Variants in DNAJC15 observed in about 807,000 individuals in gnomAD.
The protein encoded by DNAJC15 is dnaJ homolog subfamily C member 15.
DNAJC15 carries 27 observed loss-of-function variants against 22.4 expected under a neutral mutation model. The ratio of observed to expected loss-of-function variants is 1.20; its 90% CI spans 0.89 to 1.66. DNAJC15 has a LOEUF of 1.66. Among genes scored for constraint, DNAJC15 ranks in the 40% most tolerant of loss-of-function variants. The pLI is 0.00. For missense variants in DNAJC15, 208 were observed against 187.1 expected, an observed-to-expected ratio of 1.11 and a Z score of -0.65; for synonymous variants, 79 against 63.2, an observed-to-expected ratio of 1.25 and a Z score of -1.19.
At chr13:43,032,973 A>G (rs1482145221) in intron 1 of DNAJC15, among the ~76,000 whole-genome samples, 1 of 152,242 alleles carries the variant, frequency 6.6e-6, no homozygotes, top group African/African-American at 2.4e-5. Context: ...ATGGCAGAAG[A>G]CAGAGTGGGA....
chr13:43,033,886 G>T (rs1181007088), intron 1 of DNAJC15, among the ~76,000 whole-genome samples: 1 of 151,958 alleles, frequency 6.6e-6, no homozygotes, highest in Non-Finnish European at 1.5e-5. Context: ...AAATTAGCCG[G>T]GCATGGTAGC....
At chr13:43,042,963 T>C (rs1252723794) in intron 1 of DNAJC15, among the ~76,000 whole-genome samples, 2 of 152,118 alleles carry the variant, frequency 1.3e-5, no homozygotes, top group East Asian at 3.8e-4. Context: ...TAAAGCCAAA[T>C]ATGCAACCTG....
At chr13:43,085,903 A>G in intron 5 of DNAJC15, 65 bp downstream of exon 5, 1 of 1,365,898 alleles carries the variant, frequency 7.3e-7, no homozygotes, top group South Asian at 1.2e-5. Flanking sequence ...CTTTCAGATT[A>G]AAGTCATATA....
At chr13:43,063,320 G>T (rs2153440754) in intron 1 of DNAJC15, among the ~76,000 whole-genome samples, 1 of 152,318 alleles carries the variant, frequency 6.6e-6, no homozygotes, top group Non-Finnish European at 1.5e-5. Context: ...TTTATTGATA[G>T]TATTAAAAGC....
In DNAJC15 at chr13:43,023,744, G is replaced by C; in HGVS notation, c.108+10G>C. 1 of 1,598,804 alleles carries C rather than the reference G, an allele frequency of 6.3e-7. No individual in the cohort carries two copies. The highest frequency in any genetic ancestry group is 8.5e-7 in the Non-Finnish European group (1 of 1,173,254). ...CGACCAGCAGAGACTGGTGAGTCCT[G>C]CCAGCGGCCCCCACCCCTCTCTGGC... On this transcript the variant is annotated intron_variant, in intron 1 of 5. Transcript: ENST00000379221.
rs192961523 is a variant in DNAJC15, at chr13:43,045,789, T to A, written c.109-19897T>A. ...AGAGGGTCTCTCTCTTCCCTCACTC[T>A]CACCATACAAACACATACCTACTTC... On this transcript the variant is annotated intron_variant, in intron 1 of 5. Transcript: ENST00000379221. Among the ~76,000 whole-genome samples, 27 of 152,354 alleles carry A rather than the reference T, an allele frequency of 1.8e-4. 1 individual carries two copies. Among genetic ancestry groups the A allele is most frequent in the African/African-American group, 6.5e-4 (27 of 41,580 alleles).
At chr13:43,063,274 T>G (rs372555200) in intron 1 of DNAJC15, among the ~76,000 whole-genome samples, 3 of 152,368 alleles carry the variant, frequency 2.0e-5, no homozygotes, top group East Asian at 3.9e-4. Context: ...CCTCCCAAAG[T>G]GTTGGGATTA....
intron 4 of DNAJC15, among the ~76,000 whole-genome samples, chr13:43,083,163 A>G (rs557478476): frequency 6.6e-6 from 1 of 151,652 alleles, no homozygotes; most frequent in South Asian, 2.1e-4. Context: ...TATAATCCTA[A>G]TTTCTTTTTT....
intron 1 of DNAJC15, among the ~76,000 whole-genome samples, chr13:43,042,501 G>T (rs1469802166): frequency 1.3e-5 from 2 of 152,178 alleles, no homozygotes; most frequent in Non-Finnish European, 1.5e-5. Flanking sequence ...GGGCAGGAGT[G>T]CATTAAGAGT....
At chr13:43,042,877 G>A (rs1298240617) in intron 1 of DNAJC15, among the ~76,000 whole-genome samples, 1 of 152,170 alleles carries the variant, frequency 6.6e-6, no homozygotes, top group African/African-American at 2.4e-5. Context: ...ATCAGTGTTT[G>A]ACTAACTGGG....
At chr13:43,102,134 A>G (rs1219969455) in intron 5 of DNAJC15, among the ~76,000 whole-genome samples, 1 of 152,166 alleles carries the variant, frequency 6.6e-6, no homozygotes, top group African/African-American at 2.4e-5. Flanking sequence ...TTGGAGGAGT[A>G]AGATGGTATG....
chr13:43,078,797 C>A, intron 4 of DNAJC15, 109 bp downstream of exon 4: 2 of 839,938 alleles, frequency 2.4e-6, no homozygotes, highest in South Asian at 3.0e-5. Context: ...GAGTAGGTGG[C>A]AGAGGAGAAA....
intron 1 of DNAJC15, among the ~76,000 whole-genome samples, chr13:43,049,332 A>G (rs936319788): frequency 6.6e-6 from 1 of 152,192 alleles, no homozygotes; most frequent in African/African-American, 2.4e-5. Context: ...AAAACATTCA[A>G]AATAAAAGTC....
intron 1 of DNAJC15, among the ~76,000 whole-genome samples, chr13:43,047,316 A>G (rs763661177): frequency 1.3e-5 from 2 of 152,230 alleles, no homozygotes; most frequent in Non-Finnish European, 2.9e-5. Context: ...CTAATGTAAT[A>G]TATATTACAG....
chr13:43,033,413 C>T (rs1458637944), intron 1 of DNAJC15, among the ~76,000 whole-genome samples: 1 of 151,380 alleles, frequency 6.6e-6, no homozygotes, highest in African/African-American at 2.4e-5. Flanking sequence ...TGAGACCCTA[C>T]TGGAAAAAAA....
At chr13:43,026,215 A>T (rs1259205548) in intron 1 of DNAJC15, among the ~76,000 whole-genome samples, 1 of 152,234 alleles carries the variant, frequency 6.6e-6, no homozygotes, top group Non-Finnish European at 1.5e-5. Flanking sequence ...CTTATGGAAG[A>T]TTCAGTCTGT....
chr13:43,045,018 A>G (rs1333299792), intron 1 of DNAJC15, among the ~76,000 whole-genome samples: 3 of 149,990 alleles, frequency 2.0e-5, no homozygotes, highest in Non-Finnish European at 3.0e-5. Flanking sequence ...GTACTGTATC[A>G]CTCGGAGAAA....
intron 1 of DNAJC15, among the ~76,000 whole-genome samples, chr13:43,025,908 AAAAG>A (rs1369791931): frequency 1.3e-5 from 2 of 152,262 alleles, no homozygotes; most frequent in African/African-American, 4.8e-5. Context: ...TGTCTCAAAA[AAAAG>A]AAAATAACAT....
chr13:43,030,145 C>G (rs2040398096), intron 1 of DNAJC15, among the ~76,000 whole-genome samples: 1 of 152,126 alleles, frequency 6.6e-6, no homozygotes. Context: ...TTGATCATTG[C>G]TTATTAATAT....
Sources: gnomAD v4.1 joint callset for allele counts (sites outside exome capture counted in the v4.1 genomes callset) on GRCh38, gnomAD v4.1.1 for gene constraint, MANE v1.5 for transcripts, NCBI Gene and HGNC (gene_info 2026-07-23, HGNC 2026-07-21) for gene names.